The following TRDN variants were observed in gnomAD, a reference collection of about 807,000 sequenced individuals.
TRDN encodes the protein triadin.
Under a neutral mutation model 149.7 loss-of-function variants are expected in TRDN, and 161 were observed. That is an observed-to-expected ratio of 1.08 (90% confidence interval 0.95 to 1.23). The LOEUF is 1.23. Among genes scored for constraint, TRDN ranks in the 50% most tolerant of loss-of-function variants. The pLI is 0.00. For missense variants in TRDN, 896 were observed against 823.5 expected, an observed-to-expected ratio of 1.09 and a Z score of -1.08; for synonymous variants, 294 against 250.5, an observed-to-expected ratio of 1.17 and a Z score of -1.64.
intron 1 of TRDN, among the ~76,000 whole-genome samples, chr6:123,596,261 C>G (rs1209194779): frequency 6.6e-6 from 1 of 152,074 alleles, no homozygotes; most frequent in Non-Finnish European, 1.5e-5. Context: ...GGCACTAACT[C>G]TCTTCAATTC....
At chr6:123,486,682 A>G (rs922873641) in intron 9 of TRDN, among the ~76,000 whole-genome samples, 33 of 152,040 alleles carry the variant, frequency 2.2e-4, no homozygotes, top group African/African-American at 7.5e-4. Flanking sequence ...TACTTTAATA[A>G]TAATAATTTT....
chr6:123,495,005 A>G (rs1778382669), intron 9 of TRDN, among the ~76,000 whole-genome samples: 1 of 151,924 alleles, frequency 6.6e-6, no homozygotes, highest in Non-Finnish European at 1.5e-5. Context: ...AAATGCTTGC[A>G]TTATAGGCAT....
chr6:123,552,061 T>G (rs1475859610), intron 2 of TRDN, among the ~76,000 whole-genome samples: 1 of 152,136 alleles, frequency 6.6e-6, no homozygotes, highest in East Asian at 1.9e-4. Context: ...TGCTAAGGCC[T>G]TGAAGTATCC....
At chr6:123,334,863 A>C (rs1397119870) in intron 22 of TRDN, among the ~76,000 whole-genome samples, 1 of 152,078 alleles carries the variant, frequency 6.6e-6, no homozygotes, top group Non-Finnish European at 1.5e-5. Flanking sequence ...TGCTGGTTTT[A>C]AACTTGAAGC....
chr6:123,318,999 C>A (rs572356017), intron 23 of TRDN, among the ~76,000 whole-genome samples: 1 of 151,892 alleles, frequency 6.6e-6, no homozygotes, highest in Non-Finnish European at 1.5e-5. Flanking sequence ...TATGAAGAGT[C>A]GGTTTTTGGG....
chr6:123,368,919 C>T (rs1019983138), intron 19 of TRDN, among the ~76,000 whole-genome samples: 1 of 152,092 alleles, frequency 6.6e-6, no homozygotes, highest in African/African-American at 2.4e-5. Context: ...ATAGTTAAAT[C>T]ACTCACGTAT....
intron 28 of TRDN, 29 bp from the exon 29 acceptor site, chr6:123,273,040 T>G: frequency 2.8e-6 from 4 of 1,428,802 alleles, no homozygotes; most frequent in Non-Finnish European, 2.8e-6. Context: ...AAATCTTTTT[T>G]AGGTATTTAG....
At chr6:123,371,137 TC>T (rs747722358) in intron 19 of TRDN, among the ~76,000 whole-genome samples, 4 of 152,100 alleles carry the variant, frequency 2.6e-5, no homozygotes, top group African/African-American at 4.8e-5. Context: ...CTCCCATATT[TC>T]AAGAAACTGT....
chr6:123,538,422 C>T (rs908063326), intron 4 of TRDN, among the ~76,000 whole-genome samples: 11 of 151,990 alleles, frequency 7.2e-5, no homozygotes, highest in African/African-American at 2.2e-4. Flanking sequence ...CCAGATTATC[C>T]GTAAATATCT....
chr6:123,503,954 G>A, intron 7 of TRDN, 53 bp from the exon 8 acceptor site: 1 of 1,494,412 alleles, frequency 6.7e-7, no homozygotes, highest in Non-Finnish European at 8.9e-7. Context: ...CAAACATAAT[G>A]TTTCATCTGT....
At chr6:123,477,705 A>G (rs1432705575) in intron 9 of TRDN, among the ~76,000 whole-genome samples, 2 of 152,112 alleles carry the variant, frequency 1.3e-5, no homozygotes, top group East Asian at 3.9e-4. Context: ...TGTGGCACAT[A>G]TACACCATGG....
intron 21 of TRDN, among the ~76,000 whole-genome samples, chr6:123,342,617 T>C (rs1780105520): frequency 6.6e-6 from 1 of 151,986 alleles, no homozygotes; most frequent in African/African-American, 2.4e-5. Flanking sequence ...ATTTTATAGA[T>C]GTGATATCTG....
intron 5 of TRDN, among the ~76,000 whole-genome samples, chr6:123,518,499 CTG>C (rs1214027528): frequency 2.0e-5 from 3 of 152,172 alleles, no homozygotes; most frequent in African/African-American, 7.2e-5. Context: ...ATCTGTGTCT[CTG>C]TCTCTGTAAG....
intron 14 of TRDN, among the ~76,000 whole-genome samples, chr6:123,384,984 T>C (rs923328761): frequency 2.0e-5 from 3 of 152,162 alleles, no homozygotes; most frequent in African/African-American, 4.8e-5. Flanking sequence ...TGCCCAATAA[T>C]CTGGGCAGTA....
chr6:123,281,582 C>T (rs1368860709), intron 24 of TRDN, among the ~76,000 whole-genome samples: 1 of 152,002 alleles, frequency 6.6e-6, no homozygotes, highest in African/African-American at 2.4e-5. Flanking sequence ...TGACACAATC[C>T]TCTAAGAAAC....
At chr6:123,307,769 A>T (rs555139131) in intron 24 of TRDN, among the ~76,000 whole-genome samples, 2 of 151,980 alleles carry the variant, frequency 1.3e-5, no homozygotes, top group South Asian at 4.2e-4. Context: ...CTTTCTGGTA[A>T]CACTTTTTTT....
chr6:123,247,561 C>T (rs950693913), intron 38 of TRDN, among the ~76,000 whole-genome samples: 1 of 152,090 alleles, frequency 6.6e-6, no homozygotes, highest in Non-Finnish European at 1.5e-5. Flanking sequence ...AGGACCTCTT[C>T]AAGGAGAACT....
At chr6:123,419,237 G>A (rs1022028364) in intron 12 of TRDN, among the ~76,000 whole-genome samples, 1 of 152,100 alleles carries the variant, frequency 6.6e-6, no homozygotes, top group Non-Finnish European at 1.5e-5. Flanking sequence ...GTTTCAGAAG[G>A]AATTTGCCTA....
chr6:123,558,269 A>G (rs1488327185), intron 2 of TRDN, among the ~76,000 whole-genome samples: 1 of 150,472 alleles, frequency 6.6e-6, no homozygotes, highest in Non-Finnish European at 1.5e-5. Context: ...AGACCCAATG[A>G]CCTCTCCCCT....
Sources: gnomAD v4.1 joint callset for allele counts (sites outside exome capture counted in the v4.1 genomes callset) on GRCh38, gnomAD v4.1.1 for gene constraint, MANE v1.5 for transcripts, NCBI Gene and HGNC (gene_info 2026-07-23, HGNC 2026-07-21) for gene names.